DECR1: variants seen among roughly 807,000 people sequenced by gnomAD.
DECR1 encodes the protein 2,4-dienoyl-CoA reductase [(3E)-enoyl-CoA-producing], mitochondrial.
DECR1 carries 44 observed loss-of-function variants against 38.8 expected under a neutral mutation model. The observed-to-expected ratio is 1.13, with a 90% confidence interval of 0.89 to 1.46. The LOEUF is 1.46. Among genes scored for constraint, DECR1 ranks in the 40% most tolerant of loss-of-function variants. The pLI, the probability that DECR1 is intolerant of heterozygous loss-of-function variation, is 0.00. For missense variants in DECR1, 428 were observed against 405.5 expected, an observed-to-expected ratio of 1.06 and a Z score of -0.48; for synonymous variants, 148 against 135.2, an observed-to-expected ratio of 1.09 and a Z score of -0.66.
intron 6 of DECR1, among the ~76,000 whole-genome samples, chr8:90,039,164 A>G (rs1024553371): frequency 2.0e-5 from 3 of 152,116 alleles, no homozygotes; most frequent in East Asian, 1.9e-4. Context: ...CAAATTCTAC[A>G]TGTTGTTTGG....
intron 5 of DECR1, among the ~76,000 whole-genome samples, chr8:90,023,134 T>C (rs1179015440): frequency 6.6e-6 from 1 of 152,214 alleles, no homozygotes; most frequent in Non-Finnish European, 1.5e-5. Context: ...TCTTCCAGTC[T>C]CTCAATGTGG....
intron 5 of DECR1, among the ~76,000 whole-genome samples, chr8:90,034,168 C>G (rs997965625): frequency 6.6e-6 from 1 of 152,112 alleles, no homozygotes; most frequent in Admixed American, 6.6e-5. Flanking sequence ...TCTTTCTACT[C>G]TGGAACATGC....
At chr8:90,012,828 G>A (rs2130025334) in intron 1 of DECR1, among the ~76,000 whole-genome samples, 1 of 152,314 alleles carries the variant, frequency 6.6e-6, no homozygotes, top group East Asian at 1.9e-4. Context: ...ACAATTTAAA[G>A]TGTTGACAGA....
At chr8:90,028,327 A>G (rs1478103647) in intron 5 of DECR1, among the ~76,000 whole-genome samples, 1 of 152,060 alleles carries the variant, frequency 6.6e-6, no homozygotes, top group African/African-American at 2.4e-5. Context: ...CCTCATGTCT[A>G]TTATTGTCTT....
intron 5 of DECR1, among the ~76,000 whole-genome samples, chr8:90,021,965 A>G (rs1813175600): frequency 6.6e-6 from 1 of 152,230 alleles, no homozygotes; most frequent in South Asian, 2.1e-4. Context: ...ATATATATCT[A>G]GAACCAGCGT....
At chr8:90,011,641 C>G (rs1021216166) in intron 1 of DECR1, among the ~76,000 whole-genome samples, 1 of 152,106 alleles carries the variant, frequency 6.6e-6, no homozygotes, top group African/African-American at 2.4e-5. Flanking sequence ...TCATAGTTTT[C>G]AATTTATAAG....
rs904903672 is a variant in DECR1, at chr8:90,019,933, C to G, written c.417+761C>G. Among the ~76,000 whole-genome samples the G allele has an allele frequency of 2.0e-4, 31 of 152,292 alleles. 1 individual carries two copies. Among genetic ancestry groups the G allele is most frequent in the Middle Eastern group, 3.4e-3 (1 of 294 alleles). Reference sequence around the variant, plus strand: ...TAATAAGATTATGAAATAACAAGAGCAGTTATCCAAGAGTACAGCATTGAG... The same window carrying G: ...TAATAAGATTATGAAATAACAAGAGGAGTTATCCAAGAGTACAGCATTGAG... On this transcript the variant is annotated intron_variant, in intron 4 of 9. Transcript: ENST00000220764.
chr8:90,003,880 A>T (rs1317160618), intron 1 of DECR1, among the ~76,000 whole-genome samples: 2 of 152,036 alleles, frequency 1.3e-5, no homozygotes, highest in African/African-American at 2.4e-5. Context: ...CAGAGGTTGC[A>T]GTGAGCTGAG....
In DECR1 at chr8:90,001,505, G is replaced by C; in HGVS notation, c.13G>C (p.Ala5Pro). 1 of 1,614,044 alleles carries C rather than the reference G, an allele frequency of 6.2e-7. No homozygotes were observed. Among genetic ancestry groups the C allele is most frequent in the Non-Finnish European group, 8.5e-7 (1 of 1,179,918 alleles). Residue 5 changes from alanine to proline, a missense_variant, in exon 1 of 10, where the codon GCC (alanine) becomes CCC (proline). Ala to Pro is a conservative substitution (Grantham distance 27). Transcript: ENST00000220764. MKLP[A>P]RVFFTLGSRL... ...CTGGAGACTCAACATGAAGCTACCG[G>C]CCAGGGTTTTCTTTACTCTGGGGTC...
At chr8:90,039,422 T>G (rs897266875) in intron 6 of DECR1, among the ~76,000 whole-genome samples, 1 of 152,202 alleles carries the variant, frequency 6.6e-6, no homozygotes, top group Admixed American at 6.6e-5. Context: ...GGTAAGCCCC[T>G]TATAAAACTA....
rs569379357 is a variant in DECR1, at chr8:90,041,003, T to C, written c.666-1725T>C. Among the ~76,000 whole-genome samples the C allele has an allele frequency of 3.0e-4, 46 of 152,350 alleles. No individual in the cohort carries two copies. In the South Asian group the frequency reaches 9.3e-3, roughly 31 times the overall value. ...AGTATATACCCAGTAATGGGATGGC[T>C]GGGTCAAATGGTATTTCTAGTTCTA... On this transcript the variant is annotated intron_variant, in intron 6 of 9. Coordinates refer to ENST00000220764, the MANE Select transcript of DECR1 (RefSeq NM_001359.2).
At chr8:90,014,854 A>G (rs1812968452) in intron 1 of DECR1, among the ~76,000 whole-genome samples, 1 of 152,138 alleles carries the variant, frequency 6.6e-6, no homozygotes, top group South Asian at 2.1e-4. Context: ...CATCATCTTA[A>G]TGTAATAGTT....
At chr8:90,045,553 A>C (rs1445169767) in intron 8 of DECR1, among the ~76,000 whole-genome samples, 2 of 152,184 alleles carry the variant, frequency 1.3e-5, no homozygotes, top group Admixed American at 1.3e-4. Context: ...GGTGGAGCCC[A>C]CCACAGCTCA....
chr8:90,047,532 A>T (rs1347127772), intron 8 of DECR1, among the ~76,000 whole-genome samples: 2 of 152,236 alleles, frequency 1.3e-5, no homozygotes, highest in Admixed American at 1.3e-4. Context: ...AGATTCATAA[A>T]GCAAGTCCTT....
In DECR1 at chr8:90,019,100, G is replaced by A. The variant is rs779605523; in HGVS notation, c.345G>A (p.Gln115=). 3.1e-6 allele frequency: 5 copies of A among 1,613,986 alleles called. No individual in the cohort carries two copies. Among genetic ancestry groups the A allele is most frequent in the Admixed American group, 1.7e-5 (1 of 60,006 alleles). The change falls in exon 4 of 10, where the codon CAG becomes CAA. Residue 115 remains glutamine, a synonymous_variant. Coordinates refer to ENST00000220764, the MANE Select transcript of DECR1 (RefSeq NM_001359.2). ...SQTGNKVHAI[Q]CDVRDPDMVQ... The stretch of plus-strand genomic sequence containing the variant: ...TTATTTTGCAGGTTCATGCAATTCA[G>A]TGTGATGTGAGGGATCCTGATATGG...
At chr8:90,015,400 T>G (rs1002288552) in intron 1 of DECR1, 4 of 290,100 alleles carry the variant, frequency 1.4e-5, no homozygotes, top group African/African-American at 8.8e-5. Flanking sequence ...AAATATTGAA[T>G]CTACTACTTA....
chr8:90,035,238 A>G (rs1003545171), intron 5 of DECR1, among the ~76,000 whole-genome samples: 6 of 152,068 alleles, frequency 3.9e-5, no homozygotes, highest in African/African-American at 1.2e-4. Flanking sequence ...AGCTTTCTGC[A>G]TTGTAAGTTA....
In DECR1 at chr8:90,050,289, G is replaced by A. The variant is rs189114913; in HGVS notation, c.886-1388G>A. Among the ~76,000 whole-genome samples the A allele has an allele frequency of 4.4e-3, 671 of 152,258 alleles. 2 individuals are homozygous for A. Among genetic ancestry groups the A allele is most frequent in the African/African-American group, 0.015 (634 of 41,546 alleles). On this transcript the variant is annotated intron_variant, in intron 8 of 9. Coordinates refer to ENST00000220764, the MANE Select transcript of DECR1 (RefSeq NM_001359.2). ...TTACAATCTACCCATCTGACAAAGGGCTAATATCCAGAATCTACAAAGAAC... is the reference window on the plus strand; with the variant it reads ...TTACAATCTACCCATCTGACAAAGGACTAATATCCAGAATCTACAAAGAAC...
At position 90,052,627 on chromosome 8, in the gene DECR1, C is replaced by A. The variant is rs1161502227; in HGVS notation, c.*730C>A. On this transcript the variant is annotated 3_prime_UTR_variant, in exon 10 of 10. Coordinates refer to ENST00000220764, the MANE Select transcript of DECR1 (RefSeq NM_001359.2). ...GATGCCTAAGAGATAGCATGCCATC[C>A]CAGCTGTAAAAGAAGAATAGATTTC... 6.6e-6 allele frequency among the ~76,000 whole-genome samples: 1 copy of A among 151,830 alleles called. No individual in the cohort carries two copies. The highest frequency in any genetic ancestry group is 1.5e-5 in the Non-Finnish European group (1 of 67,946).
Sources: gnomAD v4.1 joint callset for allele counts (sites outside exome capture counted in the v4.1 genomes callset) on GRCh38, gnomAD v4.1.1 for gene constraint, MANE v1.5 for transcripts, NCBI Gene and HGNC (gene_info 2026-07-23, HGNC 2026-07-21) for gene names.